Variants in AP3B1 observed in about 807,000 individuals in gnomAD.
AP3B1 encodes adaptor related protein complex 3 subunit beta 1, also known as AP-3 complex subunit beta-1.
A neutral mutation model predicts 132.5 loss-of-function variants in AP3B1; 61 were observed. The observed-to-expected ratio is 0.46, with a 90% CI of 0.37 to 0.57. The LOEUF (loss-of-function observed/expected upper bound fraction) is 0.57, where lower values mean the gene tolerates loss of function less well. Ranked by LOEUF, AP3B1 falls within the 20% of genes least tolerant of loss-of-function variation. The pLI, the probability that AP3B1 is intolerant of heterozygous loss-of-function variation, is 0.00. For missense variants in AP3B1, 1,120 were observed against 1,289.4 expected, an observed-to-expected ratio of 0.87 and a Z score of 2.01; for synonymous variants, 388 against 438.3, an observed-to-expected ratio of 0.89 and a Z score of 1.43.
Position 78,158,045 on chromosome 5 carries a change from G to A in AP3B1, c.1364-1678C>T, listed in dbSNP as rs180774507. ...ATTACCGGTGTGAGCCACCATGCCCGGCCTACTCTTTTTCACTGAAATGTA... is the reference window on the plus strand; with the variant it reads ...ATTACCGGTGTGAGCCACCATGCCCAGCCTACTCTTTTTCACTGAAATGTA... On this transcript the variant is annotated intron_variant, in intron 13 of 26. Transcript: ENST00000255194. Among the ~76,000 whole-genome samples, 940 of 152,130 alleles carry A rather than the reference G, an allele frequency of 6.2e-3. 4 individuals carry two copies. The highest frequency in any genetic ancestry group is 9.5e-3 in the Admixed American group (145 of 15,282).
At chr5:78,241,072 A>G (rs1363046921) in intron 2 of AP3B1, 136 bp from the exon 3 acceptor site, 2 of 646,802 alleles carry the variant, frequency 3.1e-6, no homozygotes, top group African/African-American at 3.7e-5. Context: ...TTTACAGCAA[A>G]TAATAAACAC....
At chr5:78,124,001 T>C (rs1018916995) in intron 17 of AP3B1, among the ~76,000 whole-genome samples, 1 of 152,192 alleles carries the variant, frequency 6.6e-6, no homozygotes, top group African/African-American at 2.4e-5. Flanking sequence ...ATATACACCA[T>C]AGAATACTAT....
In AP3B1 at chr5:78,083,393, T is replaced by A. The variant is rs1750098216; in HGVS notation, c.2577+6000A>T. Among the ~76,000 whole-genome samples the A allele has an allele frequency of 2.0e-5, 3 of 152,236 alleles. No homozygotes were observed. In the South Asian group the frequency reaches 6.2e-4, roughly 31 times the overall value. Reference sequence around the variant, plus strand: ...CAACAGATCAAAGTTTCACTCAACATTTCTAATACCAGAGGTGAACAAGTT... The same window carrying A: ...CAACAGATCAAAGTTTCACTCAACAATTCTAATACCAGAGGTGAACAAGTT... On this transcript the variant is annotated intron_variant, in intron 22 of 26. Coordinates refer to ENST00000255194, the MANE Select transcript of AP3B1 (RefSeq NM_003664.5).
At chr5:78,126,009 G>A (rs1230330449) in intron 17 of AP3B1, among the ~76,000 whole-genome samples, 2 of 151,890 alleles carry the variant, frequency 1.3e-5, no homozygotes, top group Non-Finnish European at 2.9e-5. Flanking sequence ...GGGGCAGCAA[G>A]GAGGGAGAGA....
chr5:78,176,660 C>T (rs756233823), intron 9 of AP3B1, among the ~76,000 whole-genome samples: 2 of 152,098 alleles, frequency 1.3e-5, no homozygotes, highest in Non-Finnish European at 2.9e-5. Flanking sequence ...TGAATTAAAC[C>T]TGAAATCATG....
chr5:78,177,335 C>G lies in AP3B1; in HGVS notation c.1040+4G>C, dbSNP rs1419851629. ...GAAAAAATATATATAAAATCATGACCTACCTATTGCTACGAAGTAAACGCA... is the reference window on the plus strand; with the variant it reads ...GAAAAAATATATATAAAATCATGACGTACCTATTGCTACGAAGTAAACGCA... On this transcript the variant is annotated splice_donor_region_variant and intron_variant, in intron 9 of 26. Coordinates refer to ENST00000255194, the MANE Select transcript of AP3B1 (RefSeq NM_003664.5). 1.3e-6 allele frequency: 2 copies of G among 1,598,130 alleles called. No individual in the cohort carries two copies. Among genetic ancestry groups the G allele is most frequent in the Non-Finnish European group, 1.7e-6 (2 of 1,165,844 alleles).
intron 7 of AP3B1, among the ~76,000 whole-genome samples, chr5:78,191,885 T>C (rs1744848308): frequency 6.6e-6 from 1 of 152,134 alleles, no homozygotes; most frequent in South Asian, 2.1e-4. Flanking sequence ...TTGCAGTATA[T>C]GTTTCGCTCT....
intron 3 of AP3B1, among the ~76,000 whole-genome samples, chr5:78,240,210 A>G (rs1345455776): frequency 6.6e-6 from 1 of 152,204 alleles, no homozygotes; most frequent in African/African-American, 2.4e-5. Flanking sequence ...GCAGTAACAC[A>G]TCTTTAATTT....
intron 2 of AP3B1, among the ~76,000 whole-genome samples, chr5:78,241,257 G>A (rs1220235748): frequency 6.6e-6 from 1 of 150,542 alleles, no homozygotes; most frequent in African/African-American, 2.4e-5. Flanking sequence ...AGAGTCCAGT[G>A]GCTCAATCAT....
intron 7 of AP3B1, among the ~76,000 whole-genome samples, chr5:78,197,346 G>A (rs1745116218): frequency 6.6e-6 from 1 of 151,904 alleles, no homozygotes; most frequent in African/African-American, 2.4e-5. Context: ...ACTTTCAGAA[G>A]AGACAAACGT....
intron 20 of AP3B1, among the ~76,000 whole-genome samples, chr5:78,107,129 C>T (rs2112245403): frequency 6.6e-6 from 1 of 152,254 alleles, no homozygotes; most frequent in East Asian, 1.9e-4. Flanking sequence ...TTGGGGTCAA[C>T]ATTCACACTT....
At chr5:78,027,806 T>C (rs1247183148) in intron 24 of AP3B1, among the ~76,000 whole-genome samples, 1 of 152,226 alleles carries the variant, frequency 6.6e-6, no homozygotes, top group Non-Finnish European at 1.5e-5. Context: ...AGATTTTCTG[T>C]TGATTCCAAC....
chr5:78,039,393 C>A, intron 22 of AP3B1, 119 bp from the exon 23 acceptor site: 1 of 762,484 alleles, frequency 1.3e-6, no homozygotes, highest in Admixed American at 2.1e-5. Context: ...ATATGAACTA[C>A]AATAACAAAC....
chr5:78,039,264 G>A lies in AP3B1; in HGVS notation c.2588C>T (p.Pro863Leu), dbSNP rs1429858198. ...TSSSVISVST[P>L]AFVPTKTHVL... ...GTGAGTTTTCGTTGGTACAAATGCAGGAGTACTGACCTATTACACACGGCA... is the reference window on the plus strand; with the variant it reads ...GTGAGTTTTCGTTGGTACAAATGCAAGAGTACTGACCTATTACACACGGCA... Residue 863 changes from proline (P) to leucine (L), a missense_variant, in exon 23 of 27, where the codon CCT becomes CTT. Physicochemically the swap from Pro to Leu is moderately conservative, Grantham distance 98 (BLOSUM62 -3). Transcript: ENST00000255194. The A allele has an allele frequency of 2.5e-6, 4 of 1,613,626 alleles. No homozygotes were observed. Among genetic ancestry groups the A allele is most frequent in the Admixed American group, 3.3e-5 (2 of 59,992 alleles).
intron 22 of AP3B1, among the ~76,000 whole-genome samples, chr5:78,087,975 G>A (rs967313163): frequency 6.6e-6 from 1 of 152,100 alleles, no homozygotes; most frequent in Admixed American, 6.5e-5. Flanking sequence ...AGGAAAATGA[G>A]GTGTAAAAGT....
intron 21 of AP3B1, among the ~76,000 whole-genome samples, chr5:78,096,281 G>A (rs370007330): frequency 4.5e-4 from 68 of 152,320 alleles, no homozygotes; most frequent in Middle Eastern, 3.4e-3. Context: ...CAGAGGTGCC[G>A]GGATTGCAGA....
chr5:78,220,373 G>A (rs187928514), intron 6 of AP3B1, among the ~76,000 whole-genome samples: 3 of 148,864 alleles, frequency 2.0e-5, no homozygotes, highest in Admixed American at 6.7e-5. Flanking sequence ...TCAAAACAGA[G>A]AATCTCTAAA....
At chr5:78,176,905 G>A (rs943293178) in intron 9 of AP3B1, among the ~76,000 whole-genome samples, 1 of 152,034 alleles carries the variant, frequency 6.6e-6, no homozygotes, top group Non-Finnish European at 1.5e-5. Context: ...CACAATTCTG[G>A]CATAAACTAC....
intron 21 of AP3B1, among the ~76,000 whole-genome samples, chr5:78,096,591 G>A (rs1022174885): frequency 2.1e-5 from 3 of 142,246 alleles, no homozygotes; most frequent in Non-Finnish European, 3.0e-5. Flanking sequence ...GCCGCCCATC[G>A]TCTGAGATGT....
Sources: gnomAD v4.1 joint callset for allele counts (sites outside exome capture counted in the v4.1 genomes callset) on GRCh38, gnomAD v4.1.1 for gene constraint, MANE v1.5 for transcripts, NCBI Gene and HGNC (gene_info 2026-07-23, HGNC 2026-07-21) for gene names.